Variants in RPH3A observed in about 807,000 individuals in gnomAD.
RPH3A encodes the protein rabphilin-3A.
Under a neutral mutation model 102.2 loss-of-function variants are expected in RPH3A, and 48 were observed. The observed-to-expected ratio is 0.47, with a 90% confidence interval of 0.37 to 0.60. The LOEUF (loss-of-function observed/expected upper bound fraction) is 0.60, where lower values mean the gene tolerates loss of function less well. Among genes scored for constraint, RPH3A ranks in the 20% least tolerant of loss-of-function variants. The pLI is 0.00. For missense variants in RPH3A, 781 were observed against 910.1 expected (o/e 0.86, Z 1.83); for synonymous variants, 310 against 324.3 (o/e 0.96, Z 0.47).
At chr12:112,693,260 T>C (rs946275208) in intron 1 of RPH3A, among the ~76,000 whole-genome samples, 10 of 152,338 alleles carry the variant, frequency 6.6e-5, no homozygotes, top group African/African-American at 1.9e-4. Context: ...CTTTGGCTTA[T>C]ATTGGTTTTG....
At chr12:112,800,142 G>A (rs758668622) in intron 2 of RPH3A, among the ~76,000 whole-genome samples, 12 of 152,176 alleles carry the variant, frequency 7.9e-5, no homozygotes, top group Non-Finnish European at 1.3e-4. Context: ...GTGCCATGAA[G>A]GAAGGAGATA....
At chr12:112,889,210 G>A (rs1397656913) in intron 17 of RPH3A, among the ~76,000 whole-genome samples, 1 of 152,226 alleles carries the variant, frequency 6.6e-6, no homozygotes, top group Non-Finnish European at 1.5e-5. Flanking sequence ...TAGGAATGAG[G>A]CCCTTCTTCT....
chr12:112,712,217 A>C (rs1034082269), intron 1 of RPH3A, among the ~76,000 whole-genome samples: 2 of 152,182 alleles, frequency 1.3e-5, no homozygotes, highest in Non-Finnish European at 2.9e-5. Flanking sequence ...ACACACACGC[A>C]TGCACGCACG....
intron 2 of RPH3A, among the ~76,000 whole-genome samples, chr12:112,811,332 C>T (rs754297467): frequency 1.3e-5 from 2 of 152,122 alleles, no homozygotes; most frequent in Non-Finnish European, 2.9e-5. Flanking sequence ...GAACTTGTGG[C>T]CAATAGCATG....
intron 1 of RPH3A, among the ~76,000 whole-genome samples, chr12:112,784,127 T>C (rs2041027778): frequency 6.6e-6 from 1 of 152,180 alleles, no homozygotes; most frequent in Non-Finnish European, 1.5e-5. Flanking sequence ...AAAATGTAGA[T>C]TCAATAAAGC....
rs1248184954 is a variant in RPH3A at position 112,791,908 on chromosome 12, C to CGAGAGAG, written c.-244_-243insGAGAGAG. On this transcript the variant is annotated 5_prime_UTR_variant, in exon 1 of 22. Coordinates refer to ENST00000389385, the MANE Select transcript of RPH3A (RefSeq NM_001143854.2). ...AGAGAGAGAGAGAGAGAGAGAGACT[C>CGAGAGAG]ACAGAGCTAAAACCTTCATCCATGT... 1.0e-3 allele frequency: 15 copies of CGAGAGAG among 14,952 alleles called. No homozygotes were observed. Among genetic ancestry groups the CGAGAGAG allele is most frequent in the South Asian group, 9.9e-3 (6 of 606 alleles). 0.9% of individuals were successfully genotyped at this position (14,952 alleles called of 1,614,324 possible). A position where few individuals can be genotyped will look rare whatever the true frequency, so the allele number is the denominator to read the frequency against.
chr12:112,765,929 G>A (rs2040885708), intron 1 of RPH3A, among the ~76,000 whole-genome samples: 1 of 152,176 alleles, frequency 6.6e-6, no homozygotes, highest in Admixed American at 6.5e-5. Context: ...ACTATGGCTG[G>A]GCTTCATTGC....
intron 5 of RPH3A, among the ~76,000 whole-genome samples, chr12:112,850,504 C>T (rs2042305199): frequency 6.6e-6 from 1 of 152,088 alleles, no homozygotes; most frequent in Non-Finnish European, 1.5e-5. Context: ...CAGAATGTCC[C>T]TTTGCTGAGA....
At chr12:112,752,361 A>C (rs1245208722) in intron 1 of RPH3A, among the ~76,000 whole-genome samples, 1 of 152,154 alleles carries the variant, frequency 6.6e-6, no homozygotes, top group East Asian at 1.9e-4. Flanking sequence ...ATAGAAACTT[A>C]TTACTTAGTT....
intron 1 of RPH3A, among the ~76,000 whole-genome samples, chr12:112,630,444 G>T (rs1216046095): frequency 3.9e-5 from 6 of 152,192 alleles, no homozygotes. Flanking sequence ...GCCTGATGCC[G>T]TGGGGGAACT....
intron 17 of RPH3A, among the ~76,000 whole-genome samples, chr12:112,889,448 C>A (rs532101817): frequency 1.1e-4 from 17 of 152,356 alleles, no homozygotes; most frequent in African/African-American, 3.8e-4. Context: ...TGCTCTTTGC[C>A]ATTAAACCTT....
At chr12:112,650,969 G>T (rs1442209269) in intron 1 of RPH3A, 1 of 151,762 alleles carries the variant, frequency 6.6e-6, no homozygotes. Context: ...GACCTCAAGT[G>T]ATCCTCCCAC....
chr12:112,755,539 C>T (rs529529879), intron 1 of RPH3A, among the ~76,000 whole-genome samples: 7 of 152,094 alleles, frequency 4.6e-5, no homozygotes, highest in Admixed American at 2.0e-4. Context: ...TAGCTGATAA[C>T]GTTGAGAGTC....
intron 1 of RPH3A, among the ~76,000 whole-genome samples, chr12:112,733,302 C>A (rs7311757): frequency 6.6e-6 from 1 of 152,156 alleles, no homozygotes; most frequent in African/African-American, 2.4e-5. Flanking sequence ...CATACTGGCA[C>A]GCACATATCT....
chr12:112,806,112 A>T (rs1677200296), intron 2 of RPH3A, among the ~76,000 whole-genome samples: 1 of 152,248 alleles, frequency 6.6e-6, no homozygotes, highest in African/African-American at 2.4e-5. Context: ...ATATTGAGGA[A>T]ATAATTAAAC....
chr12:112,846,361 G>A (rs551492921), intron 4 of RPH3A, among the ~76,000 whole-genome samples: 1 of 152,306 alleles, frequency 6.6e-6, no homozygotes, highest in South Asian at 2.1e-4. Context: ...GGGCACGCGT[G>A]GGAAGGCAAG....
intron 1 of RPH3A, among the ~76,000 whole-genome samples, chr12:112,592,222 C>G (rs934382093): frequency 2.0e-5 from 3 of 151,856 alleles, no homozygotes; most frequent in Non-Finnish European, 2.9e-5. Flanking sequence ...ACCAAAAATA[C>G]AAAAATTAGC....
chr12:112,756,065 A>G (rs1400638027), intron 1 of RPH3A, among the ~76,000 whole-genome samples: 2 of 152,172 alleles, frequency 1.3e-5, no homozygotes, highest in African/African-American at 4.8e-5. Context: ...ATAACAATTT[A>G]TTGTATAGTC....
intron 1 of RPH3A, among the ~76,000 whole-genome samples, chr12:112,642,610 G>A (rs1252818901): frequency 6.6e-6 from 1 of 152,138 alleles, no homozygotes; most frequent in Non-Finnish European, 1.5e-5. Flanking sequence ...CAGTTGGCCA[G>A]TTGCAATCAG....
Sources: allele counts gnomAD v4.1 joint callset (sites outside exome capture counted in the v4.1 genomes callset), GRCh38; gene constraint gnomAD v4.1.1; transcripts MANE v1.5; gene names NCBI Gene and HGNC (gene_info 2026-07-23, HGNC 2026-07-21).